The following APOB variants were observed in gnomAD, a reference collection of about 807,000 sequenced individuals.
The protein encoded by APOB is apolipoprotein B-100.
APOB carries 153 observed loss-of-function variants against 314.1 expected under a neutral mutation model. The observed-to-expected ratio is 0.49, with a 90% CI of 0.43 to 0.56. APOB has a LOEUF of 0.56. APOB is among the 20% of genes least tolerant of loss of function. The pLI, the probability that APOB is intolerant of heterozygous loss-of-function variation, is 0.00. For synonymous variants in APOB, 2,087 were observed against 2,036.4 expected (o/e 1.02, Z -0.67); for missense variants, 5,430 against 5,350.7 (o/e 1.01, Z -0.46).
Position 21,010,702 on chromosome 2 carries a change from C to T in APOB, c.6166G>A (p.Ala2056Thr), listed in dbSNP as rs762264516. 6.2e-7 allele frequency: 1 copy of T among 1,613,954 alleles called. No individual in the cohort carries two copies. The highest frequency in any genetic ancestry group is 2.2e-5 in the East Asian group (1 of 44,878). Residue 2056 changes from alanine (A) to threonine (T), a missense_variant, in exon 26 of 29, where the codon GCT becomes ACT. Ala to Thr is a moderately conservative substitution (Grantham distance 58). Around this residue, in one of 3 missense-constraint regions of APOB, gnomAD observed 3,281 missense variants for 3,171.0 expected, o/e 1.03. Transcript: ENST00000233242. Reference protein sequence around the residue: ...VEKPQEFTIVAFVKYDKNQDV... With the variant: ...VEKPQEFTIVTFVKYDKNQDV... ...TGGTTTTTATCATACTTTACAAAAG[C>T]AACAATTGTAAATTCTTGGGGCTTC... is the stretch of plus-strand genomic sequence containing the variant.
In APOB at chr2:21,017,276, G is replaced by A. The variant is rs180931378; in HGVS notation, c.3122-627C>T. Among the ~76,000 whole-genome samples, 158 of 152,190 alleles carry A rather than the reference G, an allele frequency of 1.0e-3. 3 individuals carry two copies. The East Asian group carries it at 0.02, about 19-fold the overall frequency. On this transcript the variant is annotated intron_variant, in intron 20 of 28. Transcript: ENST00000233242. Reference sequence around the variant, plus strand: ...GTGCTGGGCACTGCTCTTGGTACTGGGGAATCCTTGCTTTCATGGGGCTTA... The same window carrying A: ...GTGCTGGGCACTGCTCTTGGTACTGAGGAATCCTTGCTTTCATGGGGCTTA...
chr2:21,026,887 G>A lies in APOB; in HGVS notation c.2145C>T (p.Val715=), dbSNP rs1663743812. Residue 715 remains valine (V), a synonymous_variant, in exon 15 of 29, where the codon GTC becomes GTT. Transcript: ENST00000233242. Reference sequence around the variant, plus strand: ...CATTAACCCAGTACAAAGCTTTGTTGACACTGTCTGGGAAAAATCCTTGCT... The same window carrying A: ...CATTAACCCAGTACAAAGCTTTGTTAACACTGTCTGGGAAAAATCCTTGCT... ...FGKQGFFPDS[V]NKALYWVNGQ... 1 of 1,614,140 alleles carries A rather than the reference G, an allele frequency of 6.2e-7. No homozygotes were observed. Among genetic ancestry groups the A allele is most frequent in the Middle Eastern group, 1.6e-4 (1 of 6,062 alleles).
At chr2:21,012,706 A>G in intron 25 of APOB, 55 bp from the exon 26 acceptor site, 5 of 1,574,058 alleles carry the variant, frequency 3.2e-6, no homozygotes, top group Non-Finnish European at 4.3e-6. Context: ...TTCCAGAGCA[A>G]TCTCTATGTT....
At position 21,011,136 on chromosome 2, in the gene APOB, G is replaced by C; in HGVS notation, c.5732C>G (p.Thr1911Arg). ...APFTMTIDAH[T>R]NGNGKLALWG... ...GAGAGCGAGTTTCCCATTGCCATTT[G>C]TATGTGCATCGATGGTCATGGTAAA... Residue 1911 changes from threonine to arginine, a missense_variant, in exon 26 of 29, where the codon ACA becomes AGA. Coordinates refer to ENST00000233242, the MANE Select transcript of APOB (RefSeq NM_000384.3). The C allele has an allele frequency of 6.2e-7, 1 of 1,614,202 alleles. No homozygotes were observed. The highest frequency in any genetic ancestry group is 8.5e-7 in the Non-Finnish European group (1 of 1,180,018).
chr2:21,004,240 G>A (rs763326828), intron 28 of APOB, 29 bp downstream of exon 28: 6 of 1,611,250 alleles, frequency 3.7e-6, no homozygotes, highest in Admixed American at 3.3e-5. Context: ...TCGCTCTTGG[G>A]GGCGTGTCAC....
At chr2:21,014,326 A>T in intron 24 of APOB, 122 bp downstream of exon 24, 1 of 1,181,902 alleles carries the variant, frequency 8.5e-7, no homozygotes, top group Non-Finnish European at 1.2e-6. Context: ...TATAGTTATT[A>T]ATCTCCTTAA....
chr2:21,008,048 T>TC lies in APOB; in HGVS notation c.8819dup (p.Thr2941AsnfsTer3), dbSNP rs1456891399. 1 of 1,613,988 alleles carries TC rather than the reference T, an allele frequency of 6.2e-7. No individual in the cohort carries two copies. The highest frequency in any genetic ancestry group is 1.3e-5 in the African/African-American group (1 of 74,912). On this transcript the variant is annotated frameshift_variant, in exon 26 of 29. Transcript: ENST00000233242. LOFTEE classifies it high-confidence loss of function. ...TGAAACTAATTTGTGATTCATGTGT[T>TC]CCCTCATCTGAGAATCTGGGGCAGG... is the stretch of plus-strand genomic sequence containing the variant.
chr2:21,002,305 C>G lies in APOB; in HGVS notation c.13117G>C (p.Glu4373Gln), dbSNP rs369384866. ...ATGTATTGATGGATCTGCTGTAACT[C>G]TTGAGAAGCTTCCTGAAGCTCGTTT... ...IQNELQEASQ[E>Q]LQQIHQYIMA... The change falls in exon 29 of 29, where the codon GAG (glutamate) becomes CAG (glutamine). Residue 4373 changes from glutamate to glutamine, a missense_variant. Physicochemically the swap from Glu to Gln is conservative, Grantham distance 29 (BLOSUM62 2). Around this residue, in one of 3 missense-constraint regions of APOB, gnomAD observed 3,281 missense variants for 3,171.0 expected, o/e 1.03. Coordinates refer to ENST00000233242, the MANE Select transcript of APOB (RefSeq NM_000384.3). The G allele has an allele frequency of 5.6e-6, 9 of 1,613,570 alleles. No individual in the cohort carries two copies. The highest frequency in any genetic ancestry group is 6.8e-6 in the Non-Finnish European group (8 of 1,179,878).
At position 21,008,783 on chromosome 2, in the gene APOB, A is replaced by AT. The variant is rs1558563068; in HGVS notation, c.8084dup (p.Asp2695GlufsTer35). 1 of 1,614,016 alleles carries AT rather than the reference A, an allele frequency of 6.2e-7. No homozygotes were observed. The highest frequency in any genetic ancestry group is 8.5e-7 in the Non-Finnish European group (1 of 1,179,942). The stretch of plus-strand genomic sequence containing the variant: ...CTAGAGGAATGTCCTCCACCTTCAG[A>AT]TCCCTGAGATATATATCTGGAACGG... On this transcript the variant is annotated frameshift_variant, in exon 26 of 29. Coordinates refer to ENST00000233242, the MANE Select transcript of APOB (RefSeq NM_000384.3). LOFTEE classifies it high-confidence loss of function.
rs771793170 is a variant in APOB at position 21,007,610 on chromosome 2, A to G, written c.9258T>C (p.Ser3086=). The G allele has an allele frequency of 3.7e-6, 6 of 1,614,104 alleles. No homozygotes were observed. The South Asian group carries it at 6.6e-5, about 18-fold the overall frequency. The part of the protein sequence containing the change: ...LFLSPSAQQA[S]WQVSARFNQY... ...GATTGAACCTAGCACTTACTTGCCA[A>G]CTTGCTTGCTGGGCACTGGGACTCA... Residue 3086 remains serine, a synonymous_variant, in exon 26 of 29, where the codon AGT becomes AGC. Coordinates refer to ENST00000233242, the MANE Select transcript of APOB (RefSeq NM_000384.3).
In APOB at chr2:21,002,104, C is replaced by T. The variant is rs760957637; in HGVS notation, c.13318G>A (p.Val4440Ile). Residue 4440 changes from valine (V) to isoleucine (I), a missense_variant, in exon 29 of 29, where the codon GTT becomes ATT. By Grantham distance (29) the Val-to-Ile change is conservative. Coordinates refer to ENST00000233242, the MANE Select transcript of APOB (RefSeq NM_000384.3). ...ATATTTCTGTGCAGAAATTGCTCAA[C>T]TTGACTTGAGAGTTGGGAAGTAAAG... Reference protein sequence around the residue: ...SNFTSQLSSQVEQFLHRNIQE... With the variant: ...SNFTSQLSSQIEQFLHRNIQE... The T allele has an allele frequency of 1.2e-6, 2 of 1,613,888 alleles. No individual in the cohort carries two copies. The highest frequency in any genetic ancestry group is 2.2e-5 in the South Asian group (2 of 91,070).
In APOB at chr2:21,008,834, C is replaced by T; in HGVS notation, c.8034G>A (p.Gln2678=). Residue 2678 remains glutamine, a synonymous_variant, in exon 26 of 29, where the codon CAG becomes CAA. Transcript: ENST00000233242. The stretch of plus-strand genomic sequence containing the variant: ...GCCACTGCAGCTCACTGTTCAGCAT[C>T]TGGTCAATGGTTCTGATGATCTTTA... ...MKVKIIRTID[Q]MLNSELQWPV... 1 of 1,614,030 alleles carries T rather than the reference C, an allele frequency of 6.2e-7. No homozygotes were observed. The highest frequency in any genetic ancestry group is 1.1e-5 in the South Asian group (1 of 91,072).
intron 15 of APOB, among the ~76,000 whole-genome samples, chr2:21,025,982 C>T (rs927622079): frequency 1.3e-5 from 2 of 152,154 alleles, no homozygotes; most frequent in Non-Finnish European, 2.9e-5. Context: ...GGAGTGAGAG[C>T]CAAAGACAGC....
intron 28 of APOB, among the ~76,000 whole-genome samples, chr2:21,003,989 T>C (rs912640781): frequency 1.3e-5 from 2 of 152,184 alleles, no homozygotes; most frequent in African/African-American, 4.8e-5. Context: ...TGAGCTTGCC[T>C]ATGATTTAGA....
chr2:21,039,173 A>G (rs1337645265), intron 4 of APOB, among the ~76,000 whole-genome samples: 1 of 152,252 alleles, frequency 6.6e-6, no homozygotes. Flanking sequence ...TACAGTAGAT[A>G]TTGCCTGATG....
chr2:21,018,026 T>C (rs1663519280), intron 20 of APOB, among the ~76,000 whole-genome samples: 1 of 152,220 alleles, frequency 6.6e-6, no homozygotes, highest in Non-Finnish European at 1.5e-5. Context: ...CCAGTAGCCC[T>C]TTCCATCTCA....
chr2:21,033,059 TCTC>T (rs1307283804), intron 9 of APOB, among the ~76,000 whole-genome samples: 1 of 152,198 alleles, frequency 6.6e-6, no homozygotes, highest in East Asian at 1.9e-4. Flanking sequence ...TGGGAACTAT[TCTC>T]CTTCTGTTTT....
Position 21,014,678 on chromosome 2 carries a change from AC to A in APOB, c.3697-86del, listed in dbSNP as rs2103362169. Reference sequence around the variant, plus strand: ...AACATTAGGCAAAAATACCGATTTGACAAGTTAATTATTAAGCTGGACAATG... The same window carrying A: ...AACATTAGGCAAAAATACCGATTTGAAAGTTAATTATTAAGCTGGACAATG... On this transcript the variant is annotated intron_variant, in intron 23 of 28. Transcript: ENST00000233242. The A allele has an allele frequency of 2.1e-6, 3 of 1,402,558 alleles. No individual in the cohort carries two copies. In the South Asian group the frequency reaches 3.6e-5, roughly 17 times the overall value. The allele number at this position is 1,402,558 out of a possible 1,614,324, so 86.9% of individuals were successfully genotyped here.
At position 21,028,465 on chromosome 2, in the gene APOB, A is replaced by G; in HGVS notation, c.1691T>C (p.Met564Thr). ...TGCCTGTGAAGGACTCCTCATCAAC[A>G]TAAGATAGGCAGCCAGTCGCTTATC... ...PGDKRLAAYL[M>T]LMRSPSQADI... Residue 564 changes from methionine to threonine, a missense_variant, in exon 13 of 29, where the codon ATG (methionine) becomes ACG (threonine). Met to Thr is a moderately conservative substitution (Grantham distance 81). This residue lies in a region of APOB where 2,085 missense variants were observed against 2,079.7 expected (regional missense o/e 1.00). Transcript: ENST00000233242. 1 of 1,614,122 alleles carries G rather than the reference A, an allele frequency of 6.2e-7. No homozygotes were observed. Among genetic ancestry groups the G allele is most frequent in the Non-Finnish European group, 8.5e-7 (1 of 1,179,996 alleles).
Sources: gnomAD v4.1 joint callset for allele counts (sites outside exome capture counted in the v4.1 genomes callset) on GRCh38, gnomAD v4.1.1 for gene constraint, gnomAD v4.1.1 regional missense constraint, MANE v1.5 for transcripts, NCBI Gene and HGNC (gene_info 2026-07-23, HGNC 2026-07-21) for gene names.